Variants in LRMDA observed in about 807,000 individuals in gnomAD.
The protein encoded by LRMDA is leucine-rich melanocyte differentiation-associated protein.
In LRMDA, 18 loss-of-function variants were observed where a neutral mutation model predicts 29.8. The ratio of observed to expected loss-of-function variants is 0.60; its 90% CI spans 0.42 to 0.90. LRMDA has a LOEUF of 0.90. Among genes scored for constraint, LRMDA ranks in the 40% least tolerant of loss-of-function variants. LRMDA has a pLI of 0.00. For synonymous variants in LRMDA, 125 were observed against 109.4 expected, an observed-to-expected ratio of 1.14 and a Z score of -0.89; for missense variants, 273 against 273.9, an observed-to-expected ratio of 1.00 and a Z score of 0.02.
At chr10:75,692,247 T>TATATATAC (rs1491551304) in intron 2 of LRMDA, among the ~76,000 whole-genome samples, 57 of 131,714 alleles carry the variant, frequency 4.3e-4, no homozygotes, top group African/African-American at 1.6e-3. Flanking sequence ...TATATATATA[T>TATATATAC]ACATATATAT....
chr10:76,329,906 A>C (rs2579777), intron 6 of LRMDA, among the ~76,000 whole-genome samples: 139,552 of 152,204 alleles, frequency 0.92, 64,615 homozygotes, highest in Non-Finnish European at 0.96. Context: ...TCCACAGAAG[A>C]CATAAATACA....
At chr10:75,556,070 A>G (rs951821575) in intron 2 of LRMDA, among the ~76,000 whole-genome samples, 2 of 152,156 alleles carry the variant, frequency 1.3e-5, no homozygotes, top group Admixed American at 6.5e-5. Context: ...GCTCTAATAC[A>G]TGTTGTCATA....
At chr10:75,643,674 G>A (rs1337607739) in intron 2 of LRMDA, among the ~76,000 whole-genome samples, 5 of 152,106 alleles carry the variant, frequency 3.3e-5, no homozygotes, top group African/African-American at 1.2e-4. Context: ...AAATGAGTTG[G>A]GGCTGGAGTT....
At chr10:75,646,814 C>T (rs1038800538) in intron 2 of LRMDA, among the ~76,000 whole-genome samples, 7 of 152,158 alleles carry the variant, frequency 4.6e-5, no homozygotes, top group Non-Finnish European at 7.4e-5. Context: ...TTAAAAATAA[C>T]GTATATTGGA....
At chr10:75,564,119 G>A (rs1265482111) in intron 2 of LRMDA, among the ~76,000 whole-genome samples, 1 of 152,212 alleles carries the variant, frequency 6.6e-6, no homozygotes, top group Non-Finnish European at 1.5e-5. Context: ...TTGTTTGTCT[G>A]TGCCCTGCCC....
chr10:76,430,279 C>T (rs922398485), intron 6 of LRMDA, among the ~76,000 whole-genome samples: 1 of 152,138 alleles, frequency 6.6e-6, no homozygotes, highest in Non-Finnish European at 1.5e-5. Context: ...CCCTTGCAAA[C>T]CTCTTCCTAT....
At chr10:76,153,220 C>T (rs1450057008) in intron 5 of LRMDA, among the ~76,000 whole-genome samples, 1 of 152,100 alleles carries the variant, frequency 6.6e-6, no homozygotes, top group Non-Finnish European at 1.5e-5. Context: ...GGATACTAAA[C>T]CTTTATCAGA....
intron 2 of LRMDA, among the ~76,000 whole-genome samples, chr10:75,913,928 C>T (rs1039400880): frequency 2.0e-5 from 3 of 152,168 alleles, no homozygotes; most frequent in African/African-American, 7.2e-5. Flanking sequence ...AGGCTTGCCC[C>T]GCCGTGGGGG....
At chr10:76,090,711 T>G (rs1849217155) in intron 5 of LRMDA, among the ~76,000 whole-genome samples, 1 of 152,220 alleles carries the variant, frequency 6.6e-6, no homozygotes, top group African/African-American at 2.4e-5. Flanking sequence ...TGAAGGCACT[T>G]CTGACACATG....
chr10:76,442,632 C>T (rs1408770048), intron 6 of LRMDA, among the ~76,000 whole-genome samples: 1 of 152,058 alleles, frequency 6.6e-6, no homozygotes, highest in Admixed American at 6.6e-5. Context: ...GTGAAGGCTG[C>T]AGTGAGCTGT....
At position 75,873,814 on chromosome 10, in the gene LRMDA, C is replaced by T. The variant is rs894717167; in HGVS notation, c.132-162194C>T. On this transcript the variant is annotated intron_variant, in intron 2 of 6. Coordinates refer to ENST00000611255, the MANE Select transcript of LRMDA (RefSeq NM_001305581.2). Reference sequence around the variant, plus strand: ...TCCAGCTAATGTCATCAGCGGGGAACAGCAGCAAGGAGAGGTGGCAGAATT... The same window carrying T: ...TCCAGCTAATGTCATCAGCGGGGAATAGCAGCAAGGAGAGGTGGCAGAATT... 2.6e-5 allele frequency among the ~76,000 whole-genome samples: 4 copies of T among 152,172 alleles called. No individual in the cohort carries two copies. In the East Asian group the frequency reaches 7.7e-4, roughly 29 times the overall value.
At chr10:75,552,428 C>A (rs535591512) in intron 2 of LRMDA, 60 of 271,692 alleles carry the variant, frequency 2.2e-4, no homozygotes, top group Non-Finnish European at 3.6e-4. Flanking sequence ...TTTTTTTTCC[C>A]CCCCCTCTGG....
chr10:76,448,546 A>G (rs1338032069), intron 6 of LRMDA, among the ~76,000 whole-genome samples: 2 of 152,058 alleles, frequency 1.3e-5, no homozygotes, highest in Non-Finnish European at 2.9e-5. Flanking sequence ...TACCAGTAGG[A>G]TAGATGAAAA....
At chr10:75,686,660 A>G (rs528160198) in intron 2 of LRMDA, among the ~76,000 whole-genome samples, 2 of 152,326 alleles carry the variant, frequency 1.3e-5, no homozygotes, top group South Asian at 2.1e-4. Context: ...ATAATATCAT[A>G]TTCTCCACAT....
At chr10:76,078,327 C>G (rs1364912500) in intron 5 of LRMDA, among the ~76,000 whole-genome samples, 1 of 151,918 alleles carries the variant, frequency 6.6e-6, no homozygotes, top group South Asian at 2.1e-4. Flanking sequence ...CTCTTGAACA[C>G]GTGTTTACAC....
At chr10:75,943,067 G>A (rs1846420309) in intron 2 of LRMDA, among the ~76,000 whole-genome samples, 1 of 151,896 alleles carries the variant, frequency 6.6e-6, no homozygotes, top group Admixed American at 6.6e-5. Flanking sequence ...GGGATCCAAG[G>A]GAGTCTGGTT....
In LRMDA at chr10:75,820,955, C is replaced by T. The variant is rs530842619; in HGVS notation, c.132-215053C>T. Reference sequence around the variant, plus strand: ...AAACATACAACCTCCCAAGGTTGAACCAGGAAGAAATAGAAATCCTGAACA... The same window carrying T: ...AAACATACAACCTCCCAAGGTTGAATCAGGAAGAAATAGAAATCCTGAACA... On this transcript the variant is annotated intron_variant, in intron 2 of 6. Transcript: ENST00000611255. Among the ~76,000 whole-genome samples, 15 of 152,128 alleles carry T rather than the reference C, an allele frequency of 9.9e-5. No individual in the cohort carries two copies. The East Asian group carries it at 1.9e-3, about 20-fold the overall frequency.
chr10:76,128,649 T>C (rs1849930748), intron 5 of LRMDA, among the ~76,000 whole-genome samples: 2 of 151,990 alleles, frequency 1.3e-5, no homozygotes, highest in African/African-American at 2.4e-5. Flanking sequence ...TGCAATGAGA[T>C]CCATCCCTGA....
chr10:76,442,834 C>G (rs991712181), intron 6 of LRMDA, among the ~76,000 whole-genome samples: 1 of 152,168 alleles, frequency 6.6e-6, no homozygotes, highest in Middle Eastern at 3.2e-3. Flanking sequence ...TGAATAAACT[C>G]TGGTGTTCAG....
Sources: gnomAD v4.1 joint callset for allele counts (sites outside exome capture counted in the v4.1 genomes callset) on GRCh38, gnomAD v4.1.1 for gene constraint, MANE v1.5 for transcripts, NCBI Gene and HGNC (gene_info 2026-07-23, HGNC 2026-07-21) for gene names.